Variants in TMEM63A observed in about 807,000 individuals in gnomAD.
TMEM63A encodes mechanosensitive cation channel TMEM63A.
In TMEM63A, 76 loss-of-function variants were observed where a neutral mutation model predicts 100.6. The ratio of observed to expected loss-of-function variants is 0.76; its 90% CI spans 0.63 to 0.91. The LOEUF (loss-of-function observed/expected upper bound fraction) is 0.91. TMEM63A is among the 40% of genes least tolerant of loss of function. The pLI, the probability that TMEM63A is intolerant of heterozygous loss-of-function variation, is 0.00. For synonymous variants in TMEM63A, 401 were observed against 401.1 expected, an observed-to-expected ratio of 1.00 and a Z score of 0.00; for missense variants, 876 against 1,008.8, an observed-to-expected ratio of 0.87 and a Z score of 1.78.
chr1:225,874,468 G>C lies in TMEM63A; in HGVS notation c.187-101C>G, dbSNP rs575120626. 3 of 1,001,962 alleles carry C rather than the reference G, an allele frequency of 3.0e-6. No individual in the cohort carries two copies. The African/African-American group carries it at 4.8e-5, about 16-fold the overall frequency. 62.1% of individuals were successfully genotyped at this position (1,001,962 alleles called of 1,614,324 possible). On this transcript the variant is annotated intron_variant, in intron 3 of 24. Coordinates refer to ENST00000366835, the MANE Select transcript of TMEM63A (RefSeq NM_014698.3). ...AAGCCCACCTGCCCGCACTCAGCAG[G>C]GCTAGAAGGAAAACACCCAGGCCCA... is the stretch of plus-strand genomic sequence containing the variant.
At position 225,850,149 on chromosome 1, in the gene TMEM63A, C is replaced by T. The variant is rs376135035; in HGVS notation, c.1904-70G>A. 8.1e-5 allele frequency: 127 copies of T among 1,559,092 alleles called. 1 individual carries two copies. The highest frequency in any genetic ancestry group is 1.7e-4 in the Middle Eastern group (1 of 5,780). On this transcript the variant is annotated intron_variant, in intron 20 of 24. Coordinates refer to ENST00000366835, the MANE Select transcript of TMEM63A (RefSeq NM_014698.3). The stretch of plus-strand genomic sequence containing the variant: ...CAGACACCTCTGTCCTCTTCCTCTC[C>T]GGGGCGGCTATTTTGGCAAGGAGCC...
chr1:225,866,300 C>CT, intron 9 of TMEM63A: 2 of 520,694 alleles, frequency 3.8e-6, no homozygotes, highest in South Asian at 4.4e-5. Flanking sequence ...CTCCCCTCCC[C>CT]TGTGAAGCTG....
chr1:225,862,649 T>G lies in TMEM63A; in HGVS notation c.828-71A>C. On this transcript the variant is annotated intron_variant, in intron 11 of 24. Transcript: ENST00000366835. The surrounding 1 kb of genome is among the most constrained non-coding windows in gnomAD (Gnocchi z 5.1). ...GTGGCAGGGACCCCCATACCCACAG[T>G]TCAACCATCGAACGCCAGGGGAGAA... 1.9e-6 allele frequency: 3 copies of G among 1,602,164 alleles called. No homozygotes were observed. The highest frequency in any genetic ancestry group is 2.6e-6 in the Non-Finnish European group (3 of 1,172,558).
At position 225,867,800 on chromosome 1, in the gene TMEM63A, G is replaced by A. The variant is rs143754881; in HGVS notation, c.514+88C>T. On this transcript the variant is annotated intron_variant, in intron 7 of 24. Transcript: ENST00000366835. The surrounding 1 kb of genome is among the most constrained non-coding windows in gnomAD (Gnocchi z 4.6). ...ACATCTGAAGTGGGGCATGACTCCT[G>A]GGGTTCTGGTCTACCACAGTGAGCC... 6.5e-7 allele frequency: 1 copy of A among 1,537,502 alleles called. No individual in the cohort carries two copies. The highest frequency in any genetic ancestry group is 8.9e-7 in the Non-Finnish European group (1 of 1,127,936).
downstream of TMEM63A, chr1:225,845,336 G>A (rs1463449463): frequency 5.0e-6 from 8 of 1,609,572 alleles, no homozygotes; most frequent in African/African-American, 2.7e-5. Context: ...GTCGGTGCTG[G>A]AGCGGCAATG....
intron 23 of TMEM63A, 82 bp from the exon 24 acceptor site, chr1:225,847,295 C>T: frequency 6.5e-7 from 1 of 1,528,066 alleles, no homozygotes; most frequent in Non-Finnish European, 8.9e-7. Context: ...CTTCTCCCAA[C>T]AGGACACAGA....
At chr1:225,881,660 C>T (rs1671095430) in intron 1 of TMEM63A, among the ~76,000 whole-genome samples, 1 of 152,218 alleles carries the variant, frequency 6.6e-6, no homozygotes, top group Admixed American at 6.5e-5. Context: ...TCCACCCCTG[C>T]CCTTGAAGAG....
chr1:225,851,460 C>A (rs746109347), intron 20 of TMEM63A, among the ~76,000 whole-genome samples: 27 of 152,286 alleles, frequency 1.8e-4, no homozygotes, highest in Admixed American at 3.9e-4. Context: ...ACCTCTGCCT[C>A]CTGAGTTCAA....
chr1:225,859,304 C>T lies in TMEM63A; in HGVS notation c.1269G>A (p.Leu423=). The part of the protein sequence containing the change: ...IQGLRWWLQW[L]GINFTLFLGL... ...CCAGGAAGAGGGTGAAGTTGATGCCCAGCCACTGTAGCCACCAGCGGAGGC... is the reference window on the plus strand; with the variant it reads ...CCAGGAAGAGGGTGAAGTTGATGCCTAGCCACTGTAGCCACCAGCGGAGGC... The change falls in exon 15 of 25, where the codon CTG becomes CTA. Residue 423 remains leucine (L), a synonymous_variant. Transcript: ENST00000366835. 6.2e-7 allele frequency: 1 copy of T among 1,614,136 alleles called. No homozygotes were observed. Among genetic ancestry groups the T allele is most frequent in the Non-Finnish European group, 8.5e-7 (1 of 1,180,040 alleles).
chr1:225,842,972 T>C (rs1459355819), downstream of TMEM63A, among the ~76,000 whole-genome samples: 1 of 152,174 alleles, frequency 6.6e-6, no homozygotes, highest in East Asian at 1.9e-4. Context: ...CAAGGTCAGC[T>C]CTGACCCACC....
intron 15 of TMEM63A, among the ~76,000 whole-genome samples, chr1:225,858,293 G>A (rs970677590): frequency 2.7e-5 from 4 of 145,970 alleles, no homozygotes; most frequent in African/African-American, 7.6e-5. Context: ...TTTGAAAATC[G>A]TTCATTACCT....
chr1:225,862,042 A>G lies in TMEM63A; in HGVS notation c.1085+176T>C. ...CACCCCCACCGCCTGTTACACAAAC[A>G]TGGGCTGGGCTGGCTGAAAGTGAGT... On this transcript the variant is annotated intron_variant, in intron 13 of 24. Transcript: ENST00000366835. The surrounding 1 kb of genome is among the most constrained non-coding windows in gnomAD (Gnocchi z 5.1). 9.9e-7 allele frequency: 1 copy of G among 1,014,196 alleles called. No individual in the cohort carries two copies. The highest frequency in any genetic ancestry group is 1.6e-5 in the African/African-American group (1 of 61,564). The allele number at this position is 1,014,196 out of a possible 1,614,324, so 62.8% of individuals were successfully genotyped here.
chr1:225,875,028 T>C (rs892199740), intron 3 of TMEM63A, among the ~76,000 whole-genome samples: 4 of 152,186 alleles, frequency 2.6e-5, no homozygotes, highest in Non-Finnish European at 5.9e-5. Context: ...GCCACCATGC[T>C]GGCCAGAAAA....
chr1:225,869,667 T>TTTTCTTTC (rs1553492496), intron 6 of TMEM63A, among the ~76,000 whole-genome samples: 99 of 2,642 alleles, frequency 0.037, no homozygotes, highest in African/African-American at 0.046. Flanking sequence ...TTTTCTTTTC[T>TTTTCTTTC]TTTTTTTTTT....
intron 3 of TMEM63A, among the ~76,000 whole-genome samples, chr1:225,875,291 G>C (rs888351389): frequency 6.6e-6 from 1 of 152,174 alleles, no homozygotes; most frequent in African/African-American, 2.4e-5. Context: ...AAGCCGCTTA[G>C]CTCTAGACAT....
downstream of TMEM63A, among the ~76,000 whole-genome samples, chr1:225,841,601 CTTTT>C (rs35827447): frequency 1.9e-5 from 2 of 104,416 alleles, no homozygotes; most frequent in Non-Finnish European, 3.8e-5. Context: ...CTGTCCCAGC[CTTTT>C]TTTTTTTTTT....
At chr1:225,845,277 C>T (rs373221599), downstream of TMEM63A, 17 of 1,613,404 alleles carry the variant, frequency 1.1e-5, no homozygotes, top group East Asian at 2.2e-5. Flanking sequence ...GGCCACTTTG[C>T]GGCCTTTGAG....
chr1:225,858,920 T>C (rs1473119969), intron 15 of TMEM63A, among the ~76,000 whole-genome samples: 1 of 151,686 alleles, frequency 6.6e-6, no homozygotes, highest in Admixed American at 6.6e-5. Context: ...AATATATATG[T>C]ATGCATGTGT....
intron 16 of TMEM63A, 36 bp from the exon 17 acceptor site, chr1:225,856,774 C>T (rs952210719): frequency 1.9e-6 from 3 of 1,604,500 alleles, no homozygotes; most frequent in East Asian, 2.2e-5. Flanking sequence ...CGCAGTCCCC[C>T]AAATGCTCTA....
Sources: gnomAD v4.1 joint callset for allele counts (sites outside exome capture counted in the v4.1 genomes callset) on GRCh38, gnomAD v4.1.1 for gene constraint, Gnocchi (gnomAD v3.1) non-coding constraint, MANE v1.5 for transcripts, NCBI Gene and HGNC (gene_info 2026-07-23, HGNC 2026-07-21) for gene names.